The following CBLB variants were observed in gnomAD, a reference collection of about 807,000 sequenced individuals.
CBLB encodes the protein Cbl proto-oncogene B, also known as E3 ubiquitin-protein ligase CBL-B.
A neutral mutation model predicts 104.9 loss-of-function variants in CBLB; 31 were observed. That is an observed-to-expected ratio of 0.30 (90% CI 0.22 to 0.40). The LOEUF is 0.40. CBLB is among the 10% of genes least tolerant of loss of function. CBLB has a pLI of 1.00. For missense variants in CBLB, 1,062 were observed against 1,214.6 expected (o/e 0.87, Z 1.87); for synonymous variants, 440 against 422.6 (o/e 1.04, Z -0.51).
intron 18 of CBLB, among the ~76,000 whole-genome samples, chr3:105,667,963 C>T (rs2064657897): frequency 6.6e-6 from 1 of 152,156 alleles, no homozygotes; most frequent in South Asian, 2.1e-4. Context: ...ATGGAAAGAC[C>T]TCATCTAGAA....
At chr3:105,862,906 T>C (rs9846534) in intron 2 of CBLB, among the ~76,000 whole-genome samples, 32,635 of 152,042 alleles carry the variant, frequency 0.21, 3,696 homozygotes, top group East Asian at 0.42. Flanking sequence ...AAGCAACGGT[T>C]CACCTCTACC....
At chr3:105,670,101 C>T in intron 18 of CBLB, 132 bp downstream of exon 18, 1 of 797,744 alleles carries the variant, frequency 1.3e-6, no homozygotes, top group Non-Finnish European at 2.0e-6. Context: ...AAGCAAAATG[C>T]AATGATGATC....
At chr3:105,814,731 T>C (rs539371932) in intron 3 of CBLB, among the ~76,000 whole-genome samples, 5 of 152,228 alleles carry the variant, frequency 3.3e-5, no homozygotes, top group East Asian at 3.9e-4. Flanking sequence ...ACCAATTTCA[T>C]GATGCTCCAA....
At chr3:105,782,318 C>T (rs2080353842) in intron 3 of CBLB, among the ~76,000 whole-genome samples, 1 of 152,218 alleles carries the variant, frequency 6.6e-6, no homozygotes, top group Admixed American at 6.5e-5. Context: ...CTAGGAACAA[C>T]CTAAACTGAA....
At chr3:105,679,583 C>T (rs368408996) in intron 16 of CBLB, among the ~76,000 whole-genome samples, 1 of 151,944 alleles carries the variant, frequency 6.6e-6, no homozygotes, top group South Asian at 2.1e-4. Context: ...CTAGACCATC[C>T]TGGCCAACAT....
chr3:105,669,523 A>G (rs1338510805), intron 18 of CBLB, among the ~76,000 whole-genome samples: 3 of 152,324 alleles, frequency 2.0e-5, no homozygotes, highest in African/African-American at 7.2e-5. Context: ...ACTGACTAGG[A>G]CAAGCAGTGA....
chr3:105,860,014 G>A (rs1044252698), intron 2 of CBLB, among the ~76,000 whole-genome samples: 6 of 152,176 alleles, frequency 3.9e-5, no homozygotes, highest in African/African-American at 4.8e-5. Flanking sequence ...CCACGAAGAT[G>A]TCTTCAGAAG....
chr3:105,829,683 A>C (rs1577599797), intron 3 of CBLB, among the ~76,000 whole-genome samples: 8 of 86,688 alleles, frequency 9.2e-5, no homozygotes, highest in Non-Finnish European at 1.8e-4. Flanking sequence ...AAAAAAAAAA[A>C]AAAAAAAAAA....
intron 17 of CBLB, among the ~76,000 whole-genome samples, chr3:105,677,664 AT>A: frequency 6.6e-6 from 1 of 151,912 alleles, no homozygotes; most frequent in South Asian, 2.1e-4. Flanking sequence ...CAGATTCCAT[AT>A]AACATTTTTT....
chr3:105,692,131 G>C (rs1249956639), intron 13 of CBLB, among the ~76,000 whole-genome samples: 1 of 152,144 alleles, frequency 6.6e-6, no homozygotes, highest in Non-Finnish European at 1.5e-5. Flanking sequence ...GCAGATGAAG[G>C]AATGAAGAAG....
rs184257446 is a variant in CBLB at position 105,758,907 on chromosome 3, G to A, written c.567-7289C>T. On this transcript the variant is annotated intron_variant, in intron 4 of 18. Transcript: ENST00000394030. ...CCTGTAGGTGTGGGCTCCCCAAAGG[G>A]CCACAGCTCTTCTCTCCTTCTCATT... Among the ~76,000 whole-genome samples, 69 of 152,360 alleles carry A rather than the reference G, an allele frequency of 4.5e-4. 1 individual carries two copies. Among genetic ancestry groups the A allele is most frequent in the African/African-American group, 1.6e-3 (68 of 41,586 alleles).
intron 3 of CBLB, among the ~76,000 whole-genome samples, chr3:105,828,082 T>C (rs2030796561): frequency 6.6e-6 from 1 of 152,176 alleles, no homozygotes; most frequent in African/African-American, 2.4e-5. Context: ...CCTTCTCCCA[T>C]CCCTGTTCCA....
At chr3:105,869,261 C>T, upstream of CBLB, 1 of 762,516 alleles carries the variant, frequency 1.3e-6, no homozygotes, top group Non-Finnish European at 2.1e-6. Context: ...AAATGAGGGG[C>T]CTGGACTCTC....
At chr3:105,659,266 G>A (rs771723959) in intron 18 of CBLB, 37 bp from the exon 19 acceptor site, 6 of 1,593,698 alleles carry the variant, frequency 3.8e-6, no homozygotes, top group Admixed American at 3.3e-5. Context: ...TATTTAAACA[G>A]TGAAATAAAA....
intron 2 of CBLB, among the ~76,000 whole-genome samples, chr3:105,865,185 G>C (rs2092353638): frequency 6.6e-6 from 1 of 152,026 alleles, no homozygotes; most frequent in Admixed American, 6.5e-5. Flanking sequence ...TAACAAATAA[G>C]AAAAGATAAA....
At chr3:105,691,925 CAA>C (rs966044070) in intron 13 of CBLB, among the ~76,000 whole-genome samples, 59 of 152,314 alleles carry the variant, frequency 3.9e-4, no homozygotes, top group African/African-American at 1.4e-3. Context: ...CCTTCATTCA[CAA>C]AGTCTATAAC....
intron 12 of CBLB, among the ~76,000 whole-genome samples, chr3:105,696,051 CACATACATATATAT>C (rs2068336611): frequency 1.3e-5 from 2 of 151,272 alleles, no homozygotes; most frequent in African/African-American, 4.8e-5. Context: ...TATATATATA[CACATACATATATAT>C]ACATACATAC....
At chr3:105,763,924 C>T (rs1421170168) in intron 4 of CBLB, among the ~76,000 whole-genome samples, 4 of 152,172 alleles carry the variant, frequency 2.6e-5, no homozygotes, top group African/African-American at 7.2e-5. Context: ...GTTCCCTAAA[C>T]ACAAATTCTC....
intron 9 of CBLB, among the ~76,000 whole-genome samples, chr3:105,733,321 C>A (rs889633699): frequency 6.7e-6 from 1 of 150,372 alleles, no homozygotes; most frequent in Non-Finnish European, 1.5e-5. Context: ...CGTGCCACTG[C>A]ACTCCAGCCT....
Sources: allele counts gnomAD v4.1 joint callset (sites outside exome capture counted in the v4.1 genomes callset), GRCh38; gene constraint gnomAD v4.1.1; transcripts MANE v1.5; gene names NCBI Gene and HGNC (gene_info 2026-07-23, HGNC 2026-07-21).